Variants in GNG7 observed in about 807,000 individuals in gnomAD.
The protein encoded by GNG7 is G protein subunit gamma 7.
Under a neutral mutation model 4.0 loss-of-function variants are expected in GNG7, and 1 was observed. The ratio of observed to expected loss-of-function variants is 0.25; its 90% confidence interval spans 0.09 to 1.18. GNG7 has a LOEUF of 1.18. GNG7 is among the 50% of genes most tolerant of loss of function. The probability of loss-of-function intolerance (pLI) is 0.50; values close to 1 mark genes in which losing one functional copy is unlikely to be tolerated. For missense variants in GNG7, 86 were observed against 91.9 expected (o/e 0.94, Z 0.26); for synonymous variants, 34 against 36.9 (o/e 0.92, Z 0.29).
chr19:2,613,625 C>G (rs1056015023), intron 2 of GNG7, among the ~76,000 whole-genome samples: 3 of 152,044 alleles, frequency 2.0e-5, no homozygotes, highest in Admixed American at 6.6e-5. Context: ...TGTGGATTCC[C>G]CTAACCTGGG....
At chr19:2,699,810 G>T (rs182726753) in intron 1 of GNG7, among the ~76,000 whole-genome samples, 20 of 152,166 alleles carry the variant, frequency 1.3e-4, no homozygotes, top group Non-Finnish European at 2.4e-4. Flanking sequence ...TGTCCGCAGC[G>T]CTGGGATAGA....
chr19:2,604,830 T>C (rs1210376231), intron 2 of GNG7, among the ~76,000 whole-genome samples: 2 of 152,094 alleles, frequency 1.3e-5, no homozygotes, highest in Admixed American at 6.6e-5. Context: ...AAGGAAACAA[T>C]CCAGTGGCGG....
chr19:2,661,272 A>AGAAAGAAAGAAAGAAAG (rs1226544423), intron 1 of GNG7, among the ~76,000 whole-genome samples: 1 of 46,502 alleles, frequency 2.2e-5, no homozygotes, highest in Non-Finnish European at 4.1e-5. Context: ...AAAGAAAGAA[A>AGAAAGAAAGAAAGAAAG]AGAAAGAAAG....
intron 2 of GNG7, among the ~76,000 whole-genome samples, chr19:2,582,620 C>G (rs908696917): frequency 2.0e-5 from 3 of 147,064 alleles, no homozygotes; most frequent in Non-Finnish European, 3.0e-5. Context: ...GTAGCTGGGA[C>G]TACAGGTGCA....
At chr19:2,598,720 AATAATG>A (rs1159820723) in intron 2 of GNG7, among the ~76,000 whole-genome samples, 1 of 139,410 alleles carries the variant, frequency 7.2e-6, no homozygotes, top group East Asian at 2.1e-4. Context: ...TAATAATAAT[AATAATG>A]CTACTTGGGC....
chr19:2,699,707 G>A (rs1328629952), intron 1 of GNG7, among the ~76,000 whole-genome samples: 1 of 152,200 alleles, frequency 6.6e-6, no homozygotes, highest in African/African-American at 2.4e-5. Flanking sequence ...AATGCGGGGA[G>A]CTCCTGGTGT....
chr19:2,539,304 C>A (rs1003255080), intron 3 of GNG7, among the ~76,000 whole-genome samples: 10 of 140,104 alleles, frequency 7.1e-5, no homozygotes, highest in African/African-American at 1.7e-4. Context: ...AACATATATA[C>A]CAACTTTTTT....
intron 1 of GNG7, among the ~76,000 whole-genome samples, chr19:2,690,756 A>G (rs561188837): frequency 4.3e-4 from 66 of 152,150 alleles, no homozygotes; most frequent in African/African-American, 1.5e-3. Flanking sequence ...ACCACGCCCA[A>G]CTAAGCTTTG....
At chr19:2,656,458 C>T (rs535356603) in intron 1 of GNG7, among the ~76,000 whole-genome samples, 1 of 152,206 alleles carries the variant, frequency 6.6e-6, no homozygotes, top group African/African-American at 2.4e-5. Flanking sequence ...AAAAATTAGC[C>T]GGGCATGGTG....
intron 2 of GNG7, among the ~76,000 whole-genome samples, chr19:2,569,601 T>C (rs1308717766): frequency 4.6e-5 from 7 of 152,106 alleles, no homozygotes; most frequent in African/African-American, 1.4e-4. Context: ...AAACAAAAAG[T>C]GTGAGACATG....
intron 1 of GNG7, among the ~76,000 whole-genome samples, chr19:2,674,439 G>C (rs1182995956): frequency 1.6e-5 from 2 of 126,314 alleles, no homozygotes; most frequent in Non-Finnish European, 3.3e-5. Context: ...TTTTGTTTTT[G>C]TTTTGTTTTT....
chr19:2,527,609 C>T (rs569679614), intron 3 of GNG7, among the ~76,000 whole-genome samples: 48 of 151,910 alleles, frequency 3.2e-4, no homozygotes, highest in Non-Finnish European at 5.7e-4. Flanking sequence ...GGCTGAACTC[C>T]GAAGTTCCTA....
At chr19:2,519,100 A>G (rs1407972283) in intron 4 of GNG7, among the ~76,000 whole-genome samples, 1 of 147,076 alleles carries the variant, frequency 6.8e-6, no homozygotes, top group Non-Finnish European at 1.5e-5. Flanking sequence ...CTGGCCAGTT[A>G]AATGTTTTTT....
chr19:2,696,292 G>GAGAGAGAA (rs1555705038), intron 1 of GNG7, among the ~76,000 whole-genome samples: 154 of 108,608 alleles, frequency 1.4e-3, no homozygotes, highest in East Asian at 4.6e-3. Context: ...AAGAGAGAGA[G>GAGAGAGAA]AGAAAGAAAG....
chr19:2,562,238 C>T (rs540090833), intron 2 of GNG7, among the ~76,000 whole-genome samples: 1 of 152,166 alleles, frequency 6.6e-6, no homozygotes, highest in African/African-American at 2.4e-5. Context: ...CTGCTCAGCC[C>T]CAGGAACACA....
chr19:2,674,442 TTG>T (rs1983543164), intron 1 of GNG7, among the ~76,000 whole-genome samples: 1 of 125,106 alleles, frequency 8.0e-6, no homozygotes, highest in African/African-American at 3.4e-5. Flanking sequence ...TGTTTTTGTT[TTG>T]TTTTTTTTTG....
At position 2,702,334 on chromosome 19, in the gene GNG7, C is replaced by T. The variant is rs145542422; in HGVS notation, c.-135+312G>A. Among the ~76,000 whole-genome samples the T allele has an allele frequency of 6.1e-3, 907 of 149,600 alleles. 12 individuals are homozygous for T. The highest frequency in any genetic ancestry group is 0.021 in the African/African-American group (845 of 40,408). ...CTTCCCCAGCTAACCTCGATCTGCA[C>T]CCCCTGCCCCGTCCCCAGCTAACCT... On this transcript the variant is annotated intron_variant, in intron 1 of 4. Transcript: ENST00000382159.
intron 3 of GNG7, among the ~76,000 whole-genome samples, chr19:2,540,982 G>A (rs765075168): frequency 2.6e-4 from 40 of 152,386 alleles, no homozygotes; most frequent in Middle Eastern, 3.4e-3. Context: ...GCATGCAGCC[G>A]GTGGAGGCTT....
intron 3 of GNG7, among the ~76,000 whole-genome samples, chr19:2,545,414 G>A (rs1486495461): frequency 1.3e-5 from 2 of 151,982 alleles, no homozygotes; most frequent in Admixed American, 6.6e-5. Context: ...TTGGGAGACC[G>A]AGGCGGGCGG....
Sources: allele counts gnomAD v4.1 joint callset (sites outside exome capture counted in the v4.1 genomes callset), GRCh38; gene constraint gnomAD v4.1.1; transcripts MANE v1.5; gene names NCBI Gene and HGNC (gene_info 2026-07-23, HGNC 2026-07-21).